Variants in KAT2B observed in about 807,000 individuals in gnomAD.
The protein encoded by KAT2B is lysine acetyltransferase 2B.
A neutral mutation model predicts 105.9 loss-of-function variants in KAT2B; 36 were observed. That is an observed-to-expected ratio of 0.34 (90% CI 0.26 to 0.45). The LOEUF (loss-of-function observed/expected upper bound fraction) is 0.45, where lower values mean the gene tolerates loss of function less well. Ranked by LOEUF, KAT2B falls within the 20% of genes least tolerant of loss-of-function variation. KAT2B has a pLI of 1.00. For missense variants in KAT2B, 820 were observed against 1,021.6 expected (o/e 0.80, Z 2.69); for synonymous variants, 397 against 377.9 (o/e 1.05, Z -0.59).
chr3:20,134,250 C>A (rs78008890), intron 11 of KAT2B, among the ~76,000 whole-genome samples: 1 of 152,252 alleles, frequency 6.6e-6, no homozygotes, highest in East Asian at 1.9e-4. Flanking sequence ...TTTTACCTTA[C>A]ATTTAGATTT....
intron 3 of KAT2B, among the ~76,000 whole-genome samples, chr3:20,097,666 A>G (rs1038562814): frequency 6.6e-6 from 1 of 152,050 alleles, no homozygotes; most frequent in African/African-American, 2.4e-5. Flanking sequence ...CCTCCTGAGT[A>G]GCTGGGATTA....
intron 1 of KAT2B, among the ~76,000 whole-genome samples, chr3:20,066,654 G>A (rs192814046): frequency 1.3e-5 from 2 of 151,692 alleles, no homozygotes; most frequent in Admixed American, 1.3e-4. Flanking sequence ...TCCCACCTCG[G>A]CATCCCAAAG....
At chr3:20,122,525 C>T in intron 8 of KAT2B, 143 bp from the exon 9 acceptor site, 1 of 570,874 alleles carries the variant, frequency 1.8e-6, no homozygotes, top group East Asian at 3.0e-5. Flanking sequence ...TCTTTCCTGT[C>T]TTCCTTTGTC....
intron 2 of KAT2B, among the ~76,000 whole-genome samples, chr3:20,092,656 C>T (rs905169582): frequency 6.6e-6 from 1 of 151,612 alleles, no homozygotes; most frequent in African/African-American, 2.4e-5. Context: ...ATGAATTGAT[C>T]CCTTTATCAT....
At chr3:20,053,128 AAC>A (rs1697944322) in intron 1 of KAT2B, among the ~76,000 whole-genome samples, 1 of 152,214 alleles carries the variant, frequency 6.6e-6, no homozygotes, top group African/African-American at 2.4e-5. Flanking sequence ...GATGACAAGC[AAC>A]AGTTATCTTA....
chr3:20,119,450 C>CTAT, intron 7 of KAT2B, 148 bp from the exon 8 acceptor site: 1 of 686,322 alleles, frequency 1.5e-6, no homozygotes. Flanking sequence ...GCTGTCTTTA[C>CTAT]TATTTTGATG....
chr3:20,066,401 T>G (rs1481834333), intron 1 of KAT2B, among the ~76,000 whole-genome samples: 2 of 152,068 alleles, frequency 1.3e-5, no homozygotes, highest in African/African-American at 2.4e-5. Context: ...AACATGAACT[T>G]TATTTATTAT....
chr3:20,136,592 A>G (rs1009839441), intron 11 of KAT2B, among the ~76,000 whole-genome samples: 3 of 152,144 alleles, frequency 2.0e-5, no homozygotes, highest in African/African-American at 7.2e-5. Flanking sequence ...GAAATTCATA[A>G]TCTACATTCA....
intron 13 of KAT2B, among the ~76,000 whole-genome samples, chr3:20,140,990 C>T (rs1699686442): frequency 6.6e-6 from 1 of 152,130 alleles, no homozygotes. Flanking sequence ...TATCTCTTTA[C>T]TTTCATCTCC....
At chr3:20,067,155 C>G (rs981417498) in intron 1 of KAT2B, among the ~76,000 whole-genome samples, 7 of 152,110 alleles carry the variant, frequency 4.6e-5, no homozygotes, top group Non-Finnish European at 7.4e-5. Context: ...TAAAAATATA[C>G]TTTGTACTGG....
At chr3:20,059,502 G>C (rs1698061576) in intron 1 of KAT2B, among the ~76,000 whole-genome samples, 2 of 151,234 alleles carry the variant, frequency 1.3e-5, no homozygotes, top group Non-Finnish European at 2.9e-5. Flanking sequence ...TGGATCACGA[G>C]GTCAGGAGAT....
At chr3:20,143,695 T>C (rs1350668299) in intron 13 of KAT2B, among the ~76,000 whole-genome samples, 1 of 152,222 alleles carries the variant, frequency 6.6e-6, no homozygotes, top group Non-Finnish European at 1.5e-5. Context: ...TGGAATATTA[T>C]GCAGCCATAA....
Position 20,050,656 on chromosome 3 carries a change from C to A in KAT2B, c.303+9876C>A, listed in dbSNP as rs6797245. Among the ~76,000 whole-genome samples the A allele has an allele frequency of 4.6e-3, 693 of 151,198 alleles. 5 individuals carry two copies. Among genetic ancestry groups the A allele is most frequent in the African/African-American group, 0.016 (660 of 41,208 alleles). On this transcript the variant is annotated intron_variant, in intron 1 of 17. Coordinates refer to ENST00000263754, the MANE Select transcript of KAT2B (RefSeq NM_003884.5). ...AATTAAAAAATTAAAACATTGCCAG[C>A]AATTTTCAGGAGGAAGTCATTGGAT...
rs11298850 is a variant in KAT2B, at chr3:20,050,199, C to CA, written c.303+9435dup. Among the ~76,000 whole-genome samples the CA allele has an allele frequency of 3.3e-3, 344 of 103,942 alleles. 1 individual carries two copies. The highest frequency in any genetic ancestry group is 0.01 in the South Asian group (31 of 3,062). The allele number at this position is 103,942 out of a possible 152,430, so 68.2% of individuals were successfully genotyped here. ...TGGGCAATGGAGTGAGACCCTGTCTCAAAAAAAAAAAAAAAAGATTTAGAA... is the reference window on the plus strand; with the variant it reads ...TGGGCAATGGAGTGAGACCCTGTCTCAAAAAAAAAAAAAAAAAGATTTAGAA... On this transcript the variant is annotated intron_variant, in intron 1 of 17. Transcript: ENST00000263754.
chr3:20,055,872 G>C (rs1029847667), intron 1 of KAT2B, among the ~76,000 whole-genome samples: 1 of 152,072 alleles, frequency 6.6e-6, no homozygotes, highest in Admixed American at 6.6e-5. Context: ...AGTTAATTTA[G>C]CTATTTTTCA....
rs965611572 is a variant in KAT2B at position 20,150,613 on chromosome 3, C to CT, written c.2306-1713dup. On this transcript the variant is annotated intron_variant, in intron 17 of 17. Transcript: ENST00000263754. ...TTTGGTACCACCAATATTTAGTCACCTTTTTTAACCCACCTCATTTTGTCA... is the reference window on the plus strand; with the variant it reads ...TTTGGTACCACCAATATTTAGTCACCTTTTTTTAACCCACCTCATTTTGTCA... Among the ~76,000 whole-genome samples, 5 of 152,050 alleles carry CT rather than the reference C, an allele frequency of 3.3e-5. 1 individual carries two copies. The highest frequency in any genetic ancestry group is 2.6e-4 in the Admixed American group (4 of 15,260).
chr3:20,085,003 C>T (rs1003851557), intron 2 of KAT2B, among the ~76,000 whole-genome samples: 2 of 151,964 alleles, frequency 1.3e-5, no homozygotes, highest in African/African-American at 2.4e-5. Flanking sequence ...AAGGAATTTA[C>T]TTGATATTGT....
chr3:20,123,014 C>G (rs1252561084), intron 9 of KAT2B: 9 of 911,524 alleles, frequency 9.9e-6, no homozygotes. Flanking sequence ...GGTCCACTTA[C>G]TAATAATCTC....
rs554257736 is a variant in KAT2B, at chr3:20,144,580, A to T, written c.2005-1736A>T. ...CTGGGATTACAGGCGTGAGCCACCA[A>T]GCCCAGCCAGGTTTCTTTTTTCTTT... On this transcript the variant is annotated intron_variant, in intron 13 of 17. Transcript: ENST00000263754. Among the ~76,000 whole-genome samples, 100 of 147,378 alleles carry T rather than the reference A, an allele frequency of 6.8e-4. 1 individual carries two copies. Among genetic ancestry groups the T allele is most frequent in the Non-Finnish European group, 1.2e-3 (79 of 67,008 alleles).
Sources: allele counts gnomAD v4.1 joint callset (sites outside exome capture counted in the v4.1 genomes callset), GRCh38; gene constraint gnomAD v4.1.1; transcripts MANE v1.5; gene names NCBI Gene and HGNC (gene_info 2026-07-23, HGNC 2026-07-21).